NPSR1: variants seen among roughly 807,000 people sequenced by gnomAD.
NPSR1 encodes neuropeptide S receptor.
Under a neutral mutation model 46.9 loss-of-function variants are expected in NPSR1, and 48 were observed. The ratio of observed to expected loss-of-function variants is 1.02; its 90% CI spans 0.81 to 1.30. NPSR1 has a LOEUF of 1.30. Ranked by LOEUF, NPSR1 falls within the 50% of genes most tolerant of loss-of-function variation. NPSR1 has a pLI of 0.00. For synonymous variants in NPSR1, 176 were observed against 168.1 expected (o/e 1.05, Z -0.36); for missense variants, 450 against 449.5 (o/e 1.00, Z -0.01).
At chr7:34,695,505 T>C (rs1180658416) in intron 2 of NPSR1, among the ~76,000 whole-genome samples, 1 of 149,832 alleles carries the variant, frequency 6.7e-6, no homozygotes, top group Admixed American at 6.6e-5. Flanking sequence ...AAAGAAATAA[T>C]CAACAAATAG....
At chr7:34,845,635 T>G (rs543271297) in intron 7 of NPSR1, 1 of 455,276 alleles carries the variant, frequency 2.2e-6, no homozygotes, top group African/African-American at 2.0e-5. Flanking sequence ...CTCTGCCTTA[T>G]TTTTCTTCTT....
chr7:34,832,662 T>C (rs1193727535), intron 5 of NPSR1, among the ~76,000 whole-genome samples: 1 of 152,220 alleles, frequency 6.6e-6, no homozygotes, highest in Non-Finnish European at 1.5e-5. Context: ...CTCACTCATC[T>C]GATTGGCCCT....
At position 34,780,568 on chromosome 7, in the gene NPSR1, G is replaced by A. The variant is rs36105085; in HGVS notation, c.384+2003G>A. Among the ~76,000 whole-genome samples, 330 of 152,228 alleles carry A rather than the reference G, an allele frequency of 2.2e-3. 3 individuals are homozygous for A. Among genetic ancestry groups the A allele is most frequent in the African/African-American group, 7.8e-3 (323 of 41,546 alleles). On this transcript the variant is annotated intron_variant, in intron 3 of 8. Transcript: ENST00000360581. ...AACCAAACACTTGCAATTACTCAGG[G>A]AGCATTTATTCAGGAAAATGGCTGA... is the stretch of plus-strand genomic sequence containing the variant.
chr7:34,828,756 CTAGATCAAAGGTA>C (rs919576752), intron 5 of NPSR1, among the ~76,000 whole-genome samples: 1 of 152,150 alleles, frequency 6.6e-6, no homozygotes, highest in Non-Finnish European at 1.5e-5. Context: ...TGTGGAATTA[CTAGATCAAAGGTA>C]TAGATCAAAG....
intron 5 of NPSR1, among the ~76,000 whole-genome samples, chr7:34,829,022 T>G (rs1206517111): frequency 2.6e-5 from 4 of 152,348 alleles, no homozygotes; most frequent in Non-Finnish European, 5.9e-5. Context: ...TTTCTTTAAT[T>G]ACTAAGCTGG....
intron 2 of NPSR1, among the ~76,000 whole-genome samples, chr7:34,696,078 TAA>T (rs34574984): frequency 0.012 from 1,375 of 113,872 alleles, 11 homozygotes; most frequent in African/African-American, 0.035. Context: ...GTTGATTTGA[TAA>T]AAAAAAAAAA....
At chr7:34,724,726 G>A (rs1385667343) in intron 2 of NPSR1, among the ~76,000 whole-genome samples, 2 of 152,082 alleles carry the variant, frequency 1.3e-5, no homozygotes. Context: ...TCAATTCACT[G>A]GCTAAGCCTC....
chr7:34,661,652 C>T (rs1167743466), intron 1 of NPSR1, among the ~76,000 whole-genome samples: 1 of 152,182 alleles, frequency 6.6e-6, no homozygotes, highest in African/African-American at 2.4e-5. Flanking sequence ...GCATGTGAGG[C>T]TCTTGGAAAT....
intron 1 of NPSR1, among the ~76,000 whole-genome samples, chr7:34,681,740 T>G (rs1792647671): frequency 6.6e-6 from 1 of 152,118 alleles, no homozygotes; most frequent in African/African-American, 2.4e-5. Flanking sequence ...ATGAGCACAG[T>G]TCTGGAAAGG....
At chr7:34,834,044 A>T in intron 5 of NPSR1, 1 of 315,074 alleles carries the variant, frequency 3.2e-6, no homozygotes, top group Non-Finnish European at 5.8e-6. Flanking sequence ...TCAGGACTGT[A>T]CAACAGACAA....
chr7:34,862,206 A>C (rs1216090033), intron 8 of NPSR1, among the ~76,000 whole-genome samples: 1 of 151,710 alleles, frequency 6.6e-6, no homozygotes, highest in Non-Finnish European at 1.5e-5. Context: ...ACTGGAAGCA[A>C]GCAAGAGCGT....
chr7:34,743,228 C>T (rs750165049), intron 2 of NPSR1, among the ~76,000 whole-genome samples: 1 of 152,124 alleles, frequency 6.6e-6, no homozygotes, highest in Non-Finnish European at 1.5e-5. Context: ...TTGTCCCTTC[C>T]TGTATCCACG....
intron 2 of NPSR1, among the ~76,000 whole-genome samples, chr7:34,686,451 C>T (rs192007407): frequency 6.6e-6 from 1 of 152,218 alleles, no homozygotes; most frequent in Admixed American, 6.5e-5. Context: ...GGTGAGAATA[C>T]ATACCTGAGT....
Position 34,658,282 on chromosome 7 carries a change from G to A in NPSR1, c.-131G>A. 1 of 914,040 alleles carries A rather than the reference G, an allele frequency of 1.1e-6. No individual in the cohort carries two copies. 56.6% of individuals were successfully genotyped at this position (914,040 alleles called of 1,614,324 possible). A position where few individuals can be genotyped will look rare whatever the true frequency, so the allele number is the denominator to read the frequency against. On this transcript the variant is annotated 5_prime_UTR_variant, in exon 1 of 9. Coordinates refer to ENST00000360581, the MANE Select transcript of NPSR1 (RefSeq NM_207172.2). ...GTCATCAGGCAGAGCTCTTCAGTGA[G>A]GTGGGCTCAGGGAGGGCTCTGTGCC...
At chr7:34,682,931 A>G (rs922238636) in intron 1 of NPSR1, among the ~76,000 whole-genome samples, 1 of 152,048 alleles carries the variant, frequency 6.6e-6, no homozygotes, top group African/African-American at 2.4e-5. Context: ...TGGACACGAT[A>G]TATCTGCAGA....
intron 8 of NPSR1, among the ~76,000 whole-genome samples, chr7:34,877,115 C>G (rs1791595037): frequency 6.6e-6 from 1 of 152,142 alleles, no homozygotes; most frequent in Non-Finnish European, 1.5e-5. Flanking sequence ...ATGGGGCCAC[C>G]AAGATGACAA....
chr7:34,830,213 G>A (rs1195048589), intron 5 of NPSR1, among the ~76,000 whole-genome samples: 1 of 152,090 alleles, frequency 6.6e-6, no homozygotes, highest in East Asian at 1.9e-4. Context: ...TGGCCCCCTG[G>A]GCTCAATTCT....
rs1791288901 is a variant in NPSR1 at position 34,658,455 on chromosome 7, A to ACCGGG, written c.45_49dup (p.Gln17ProfsTer16). 6.2e-7 allele frequency: 1 copy of ACCGGG among 1,614,110 alleles called. No individual in the cohort carries two copies. Among genetic ancestry groups the ACCGGG allele is most frequent in the East Asian group, 2.2e-5 (1 of 44,870 alleles). On this transcript the variant is annotated frameshift_variant, in exon 1 of 9. Transcript: ENST00000360581. LOFTEE classifies it high-confidence loss of function. ...AGAGGGCAGCTTCGATTCCAGTGGGACCGGGCAGACGCTGGATTCTTCCCC... is the reference window on the plus strand; with the variant it reads ...AGAGGGCAGCTTCGATTCCAGTGGGACCGGGCCGGGCAGACGCTGGATTCTTCCCC...
intron 8 of NPSR1, among the ~76,000 whole-genome samples, chr7:34,859,946 T>G (rs544932200): frequency 6.6e-6 from 1 of 151,882 alleles, no homozygotes; most frequent in South Asian, 2.1e-4. Context: ...TCTAAGTGGT[T>G]TCCCCTGGTC....
Sources: allele counts gnomAD v4.1 joint callset (sites outside exome capture counted in the v4.1 genomes callset), GRCh38; gene constraint gnomAD v4.1.1; transcripts MANE v1.5; gene names NCBI Gene and HGNC (gene_info 2026-07-23, HGNC 2026-07-21).